The following SLIT3 variants were observed in gnomAD, a reference collection of about 807,000 sequenced individuals.
The protein encoded by SLIT3 is slit homolog 3 protein.
Under a neutral mutation model 184.0 loss-of-function variants are expected in SLIT3, and 68 were observed. The ratio of observed to expected loss-of-function variants is 0.37; its 90% CI spans 0.30 to 0.45. The LOEUF is 0.45. Among genes scored for constraint, SLIT3 ranks in the 20% least tolerant of loss-of-function variants. SLIT3 has a pLI of 1.00. For missense variants in SLIT3, 1,707 were observed against 2,026.0 expected, an observed-to-expected ratio of 0.84 and a Z score of 3.02; for synonymous variants, 831 against 828.6, an observed-to-expected ratio of 1.00 and a Z score of -0.05.
intron 4 of SLIT3, chr5:169,022,237 A>G (rs1756626486): frequency 6.6e-6 from 1 of 152,232 alleles, no homozygotes; most frequent in Admixed American, 6.5e-5. Context: ...CAGTAAGTAA[A>G]AGGATGATTT....
chr5:169,201,093 G>T (rs2113487454), intron 3 of SLIT3, among the ~76,000 whole-genome samples: 1 of 152,264 alleles, frequency 6.6e-6, no homozygotes, highest in Middle Eastern at 3.4e-3. Context: ...AATTTATTTT[G>T]ATGGCTTAGC....
chr5:168,826,647 C>T (rs932862613), intron 6 of SLIT3, among the ~76,000 whole-genome samples: 3 of 152,212 alleles, frequency 2.0e-5, no homozygotes, highest in African/African-American at 4.8e-5. Context: ...AATAATAGCA[C>T]TGGGCTCATA....
chr5:168,757,592 C>T (rs941437517), intron 16 of SLIT3, among the ~76,000 whole-genome samples: 1 of 152,160 alleles, frequency 6.6e-6, no homozygotes, highest in East Asian at 1.9e-4. Context: ...TGCCATTGCG[C>T]CCGGCTAATT....
intron 4 of SLIT3, among the ~76,000 whole-genome samples, chr5:169,006,495 C>A (rs910515464): frequency 6.6e-5 from 10 of 151,854 alleles, no homozygotes; most frequent in Non-Finnish European, 1.3e-4. Flanking sequence ...GGTCTGGGAC[C>A]AAGAGGGTTT....
rs561149849 is a variant in SLIT3, at chr5:169,124,898, A to T, written c.413+68581T>A. ...ATATGAGCTAACATATATTTCAAGC[A>T]TCCCCTTGTAACAGAAATGTAGCAT... On this transcript the variant is annotated intron_variant, in intron 4 of 35. Coordinates refer to ENST00000519560, the MANE Select transcript of SLIT3 (RefSeq NM_003062.4). 5.9e-5 allele frequency among the ~76,000 whole-genome samples: 9 copies of T among 152,274 alleles called. No homozygotes were observed. In the East Asian group the frequency reaches 1.7e-3, roughly 29 times the overall value.
chr5:168,759,930 G>A (rs560233584), intron 16 of SLIT3, among the ~76,000 whole-genome samples: 1 of 152,302 alleles, frequency 6.6e-6, no homozygotes, highest in African/African-American at 2.4e-5. Context: ...GGATTAGATG[G>A]TAAAGAGCCT....
At chr5:168,764,574 C>T (rs1755269529) in intron 14 of SLIT3, among the ~76,000 whole-genome samples, 1 of 152,164 alleles carries the variant, frequency 6.6e-6, no homozygotes, top group Admixed American at 6.5e-5. Context: ...AGATCTCTCC[C>T]ACCCTCTTAG....
intron 1 of SLIT3, among the ~76,000 whole-genome samples, chr5:169,296,515 G>A (rs1767505271): frequency 1.3e-5 from 2 of 152,266 alleles, no homozygotes; most frequent in South Asian, 2.1e-4. Context: ...CCACATCACC[G>A]TGGTTGACCC....
chr5:169,232,846 T>C (rs946713642), intron 3 of SLIT3, among the ~76,000 whole-genome samples: 6 of 152,208 alleles, frequency 3.9e-5, no homozygotes, highest in African/African-American at 1.4e-4. Context: ...CTGCCCTGAA[T>C]CCATCCATCA....
At chr5:169,160,799 G>A (rs761905862) in intron 4 of SLIT3, among the ~76,000 whole-genome samples, 27 of 152,128 alleles carry the variant, frequency 1.8e-4, no homozygotes, top group Non-Finnish European at 2.8e-4. Context: ...GGCCAACCAC[G>A]TGAAGCCCAT....
intron 12 of SLIT3, 112 bp downstream of exon 12, chr5:168,785,795 C>A (rs111655082): frequency 1.3e-6 from 1 of 764,240 alleles, no homozygotes. Flanking sequence ...ACATTTTTTT[C>A]TCTTTTGTCT....
At chr5:169,104,748 TG>T (rs1310075586) in intron 4 of SLIT3, among the ~76,000 whole-genome samples, 2 of 152,186 alleles carry the variant, frequency 1.3e-5, no homozygotes, top group African/African-American at 2.4e-5. Flanking sequence ...AGGAACCATC[TG>T]GGAACCAGAC....
chr5:169,030,984 G>A (rs890259489), intron 4 of SLIT3, among the ~76,000 whole-genome samples: 1 of 152,132 alleles, frequency 6.6e-6, no homozygotes, highest in Non-Finnish European at 1.5e-5. Flanking sequence ...CAGGGCTCAG[G>A]GTATTCTACC....
chr5:169,114,268 T>G (rs1416880857), intron 4 of SLIT3, among the ~76,000 whole-genome samples: 1 of 152,216 alleles, frequency 6.6e-6, no homozygotes, highest in Non-Finnish European at 1.5e-5. Context: ...GTGTTAAAGA[T>G]AGCAGAGCCT....
At chr5:168,803,822 G>A (rs925058061) in intron 9 of SLIT3, among the ~76,000 whole-genome samples, 1 of 152,140 alleles carries the variant, frequency 6.6e-6, no homozygotes, top group African/African-American at 2.4e-5. Flanking sequence ...ATGAGATGAG[G>A]GCTGGCAGGA....
chr5:169,149,121 G>C (rs957175418), intron 4 of SLIT3, among the ~76,000 whole-genome samples: 1 of 152,160 alleles, frequency 6.6e-6, no homozygotes, highest in African/African-American at 2.4e-5. Context: ...ATGGCCACAA[G>C]CTAGTCCGAT....
At chr5:168,953,949 T>A (rs7703544) in intron 4 of SLIT3, among the ~76,000 whole-genome samples, 101 of 152,100 alleles carry the variant, frequency 6.6e-4, no homozygotes, top group African/African-American at 2.2e-3. Context: ...AGTTGACGAC[T>A]TCTAGAATAC....
chr5:169,131,217 C>T (rs1486527368), intron 4 of SLIT3, among the ~76,000 whole-genome samples: 1 of 152,208 alleles, frequency 6.6e-6, no homozygotes, highest in Non-Finnish European at 1.5e-5. Flanking sequence ...AATAGTAAAA[C>T]ATACGAAAAT....
At chr5:169,284,168 G>A (rs1767081953) in intron 1 of SLIT3, among the ~76,000 whole-genome samples, 1 of 152,256 alleles carries the variant, frequency 6.6e-6, no homozygotes, top group Non-Finnish European at 1.5e-5. Context: ...TCTATCCGGT[G>A]AGGAAAGAAA....
Sources: gnomAD v4.1 joint callset for allele counts (sites outside exome capture counted in the v4.1 genomes callset) on GRCh38, gnomAD v4.1.1 for gene constraint, MANE v1.5 for transcripts, NCBI Gene and HGNC (gene_info 2026-07-23, HGNC 2026-07-21) for gene names.